The following USP34 variants were observed in gnomAD, a reference collection of about 807,000 sequenced individuals.
USP34 encodes the protein ubiquitin specific peptidase 34.
A neutral mutation model predicts 460.3 loss-of-function variants in USP34; 70 were observed. That is an observed-to-expected ratio of 0.15 (90% CI 0.13 to 0.19). USP34 has a LOEUF of 0.19. USP34 is among the 10% of genes least tolerant of loss of function. The probability of loss-of-function intolerance (pLI) is 1.00; values close to 1 mark genes in which losing one functional copy is unlikely to be tolerated. For missense variants in USP34, 3,985 were observed against 4,236.2 expected (o/e 0.94, Z 1.65); for synonymous variants, 1,647 against 1,405.3 (o/e 1.17, Z -3.85).
intron 10 of USP34, among the ~76,000 whole-genome samples, chr2:61,355,667 T>C (rs892473581): frequency 3.3e-5 from 5 of 150,902 alleles, no homozygotes; most frequent in African/African-American, 9.8e-5. Context: ...CAACTAAACA[T>C]ACAAAAAAGG....
rs755848631 is a variant in USP34 at position 61,188,332 on chromosome 2, T to C, written c.10411A>G (p.Thr3471Ala). 5.1e-5 allele frequency: 82 copies of C among 1,613,482 alleles called. No homozygotes were observed. Among genetic ancestry groups the C allele is most frequent in the Non-Finnish European group, 6.7e-5 (79 of 1,180,034 alleles). ...LAEEESEFPSTSISAVLSDLA... is the reference protein window; with the variant it reads ...LAEEESEFPSASISAVLSDLA... ...TCAGACAGAACTGCAGAGATAGAAG[T>C]AGAAGGGAACTCAGATTCTTCCTCA... The change falls in exon 80 of 80, where the codon ACT (threonine) becomes GCT (alanine). Residue 3471 changes from threonine to alanine, a missense_variant. By Grantham distance (58) the Thr-to-Ala change is moderately conservative. Coordinates refer to ENST00000398571, the MANE Select transcript of USP34 (RefSeq NM_014709.4).
chr2:61,400,833 G>A lies in USP34; in HGVS notation c.552+4875C>T, dbSNP rs190436816. ...GCCAGTGTACTACTCCAGCCTGAGT[G>A]ACAGAGGAAGACCCTGATTCAAAAA... is the stretch of plus-strand genomic sequence containing the variant. On this transcript the variant is annotated intron_variant, in intron 3 of 79. Coordinates refer to ENST00000398571, the MANE Select transcript of USP34 (RefSeq NM_014709.4). Among the ~76,000 whole-genome samples, 745 of 152,222 alleles carry A rather than the reference G, an allele frequency of 4.9e-3. 3 individuals carry two copies. The highest frequency in any genetic ancestry group is 0.014 in the South Asian group (67 of 4,826).
chr2:61,244,094 G>A (rs1183279656), intron 51 of USP34, among the ~76,000 whole-genome samples: 1 of 151,058 alleles, frequency 6.6e-6, no homozygotes, highest in Non-Finnish European at 1.5e-5. Flanking sequence ...TCAACTTTCG[G>A]CTAAGATCAA....
At chr2:61,213,891 A>G (rs1272533368) in intron 68 of USP34, among the ~76,000 whole-genome samples, 169 bp downstream of exon 68, 1 of 152,244 alleles carries the variant, frequency 6.6e-6, no homozygotes, top group Non-Finnish European at 1.5e-5. Context: ...TATCAATTTT[A>G]TAACAACACA....
intron 1 of USP34, among the ~76,000 whole-genome samples, chr2:61,452,836 G>C (rs1253631084): frequency 6.8e-6 from 1 of 146,952 alleles, no homozygotes; most frequent in Non-Finnish European, 1.5e-5. Flanking sequence ...AGTCAGTCTT[G>C]ATCACGCCAC....
Position 61,211,953 on chromosome 2 carries a change from T to A in USP34, c.8683-24A>T. 7 of 1,592,188 alleles carry A rather than the reference T, an allele frequency of 4.4e-6. No homozygotes were observed. The Middle Eastern group carries it at 1.2e-3, about 276-fold the overall frequency. On this transcript the variant is annotated intron_variant, in intron 68 of 79. Transcript: ENST00000398571. Reference sequence around the variant, plus strand: ...GCCTAAAAAAGCCAAATAAGCCATATGATCTTTTAACCCTATAGCATTTTA... The same window carrying A: ...GCCTAAAAAAGCCAAATAAGCCATAAGATCTTTTAACCCTATAGCATTTTA...
At chr2:61,344,256 C>A (rs1446474426) in intron 15 of USP34, among the ~76,000 whole-genome samples, 1 of 152,116 alleles carries the variant, frequency 6.6e-6, no homozygotes, top group Admixed American at 6.5e-5. Context: ...TATTAAGACA[C>A]CTCATTAAAA....
chr2:61,346,184 A>G (rs1292383658), intron 15 of USP34: 2 of 152,056 alleles, frequency 1.3e-5, no homozygotes, highest in Non-Finnish European at 2.9e-5. Context: ...TATCCAATAT[A>G]ATACCAACTA....
At chr2:61,307,839 G>A (rs1690460814) in intron 27 of USP34, among the ~76,000 whole-genome samples, 1 of 151,998 alleles carries the variant, frequency 6.6e-6, no homozygotes, top group African/African-American at 2.4e-5. Flanking sequence ...CTTGAGACCA[G>A]GAGTTAAATA....
chr2:61,355,952 G>A (rs1314992282), intron 10 of USP34, among the ~76,000 whole-genome samples: 1 of 152,068 alleles, frequency 6.6e-6, no homozygotes, highest in East Asian at 1.9e-4. Flanking sequence ...TAGCTGGGTT[G>A]GCTATACTAA....
chr2:61,385,640 C>CCAG (rs1184483351), intron 5 of USP34, among the ~76,000 whole-genome samples: 4 of 133,570 alleles, frequency 3.0e-5, no homozygotes, highest in African/African-American at 1.1e-4. Flanking sequence ...CCACTGCACT[C>CCAG]CAGCCTGGGC....
chr2:61,249,388 A>C (rs146802385), intron 48 of USP34, among the ~76,000 whole-genome samples: 71 of 152,368 alleles, frequency 4.7e-4, no homozygotes, highest in African/African-American at 1.7e-3. Context: ...GATGGTTTAC[A>C]TCCCAGGTGG....
chr2:61,345,990 A>T (rs899170491), intron 15 of USP34, among the ~76,000 whole-genome samples: 4 of 152,318 alleles, frequency 2.6e-5, no homozygotes, highest in Admixed American at 2.6e-4. Context: ...AAGTGACAGA[A>T]TCACATTATT....
chr2:61,459,390 G>A (rs987307235), intron 1 of USP34, among the ~76,000 whole-genome samples: 1 of 152,146 alleles, frequency 6.6e-6, no homozygotes, highest in African/African-American at 2.4e-5. Flanking sequence ...CTACAGAAGT[G>A]TATTATCATC....
chr2:61,446,781 G>A (rs1296290473), intron 1 of USP34, among the ~76,000 whole-genome samples: 1 of 136,336 alleles, frequency 7.3e-6, no homozygotes, highest in Non-Finnish European at 1.6e-5. Flanking sequence ...GGGCAACAGA[G>A]CAAGACTCCA....
chr2:61,395,264 A>G, intron 3 of USP34, 31 bp from the exon 4 acceptor site: 1 of 1,241,658 alleles, frequency 8.1e-7, no homozygotes, highest in Non-Finnish European at 1.1e-6. Flanking sequence ...AAGTAAAATT[A>G]GGTTACAACT....
intron 20 of USP34, among the ~76,000 whole-genome samples, chr2:61,329,884 C>A (rs2103726592): frequency 6.6e-6 from 1 of 152,284 alleles, no homozygotes; most frequent in South Asian, 2.1e-4. Flanking sequence ...AGAGCTAGGT[C>A]TGCATGATTC....
chr2:61,327,299 C>T (rs1691126047), intron 20 of USP34, among the ~76,000 whole-genome samples: 1 of 152,172 alleles, frequency 6.6e-6, no homozygotes. Context: ...CTCATTAATG[C>T]TGCACTCACC....
chr2:61,458,220 A>T (rs1211562331), intron 1 of USP34, among the ~76,000 whole-genome samples: 3 of 152,142 alleles, frequency 2.0e-5, no homozygotes, highest in African/African-American at 7.2e-5. Flanking sequence ...GAGTTCAGGA[A>T]AGACTTCTCG....
Sources: allele counts gnomAD v4.1 joint callset (sites outside exome capture counted in the v4.1 genomes callset), GRCh38; gene constraint gnomAD v4.1.1; transcripts MANE v1.5; gene names NCBI Gene and HGNC (gene_info 2026-07-23, HGNC 2026-07-21).